EPHA3: variants seen among roughly 807,000 people sequenced by gnomAD.
EPHA3 encodes the protein EPH receptor A3, also known as ephrin type-A receptor 3.
In EPHA3, 42 loss-of-function variants were observed where a neutral mutation model predicts 107.1. That is an observed-to-expected ratio of 0.39 (90% CI 0.31 to 0.51). The LOEUF (loss-of-function observed/expected upper bound fraction) is 0.51, where lower values mean the gene tolerates loss of function less well. Ranked by LOEUF, EPHA3 falls within the 20% of genes least tolerant of loss-of-function variation. The pLI, the probability that EPHA3 is intolerant of heterozygous loss-of-function variation, is 0.78. For synonymous variants in EPHA3, 461 were observed against 424.8 expected (o/e 1.09, Z -1.05); for missense variants, 1,183 against 1,211.2 (o/e 0.98, Z 0.35).
rs148149465 is a variant in EPHA3 at position 89,237,802 on chromosome 3, C to A, written c.814+27282C>A. 1.6e-3 allele frequency among the ~76,000 whole-genome samples: 250 copies of A among 151,858 alleles called. 10 individuals carry two copies. In the East Asian group the frequency reaches 0.047, roughly 29 times the overall value. Reference sequence around the variant, plus strand: ...GCAACAAAGCAAGATCCTTTCTCTACAAAAAATAAAACAAAATTTAAAAAA... The same window carrying A: ...GCAACAAAGCAAGATCCTTTCTCTAAAAAAAATAAAACAAAATTTAAAAAA... On this transcript the variant is annotated intron_variant, in intron 3 of 16. Transcript: ENST00000336596.
chr3:89,295,877 A>G (rs1706340734), intron 3 of EPHA3, among the ~76,000 whole-genome samples: 1 of 152,168 alleles, frequency 6.6e-6, no homozygotes, highest in Non-Finnish European at 1.5e-5. Flanking sequence ...GGCATGACCC[A>G]CCACACCCGA....
intron 11 of EPHA3, 74 bp from the exon 12 acceptor site, chr3:89,429,032 A>G (rs1263753615): frequency 6.9e-6 from 7 of 1,008,250 alleles, no homozygotes; most frequent in Non-Finnish European, 1.0e-5. Flanking sequence ...AGGTAAATCC[A>G]ACTATATTAT....
chr3:89,398,593 A>G (rs1172450333), intron 6 of EPHA3, among the ~76,000 whole-genome samples: 34 of 151,704 alleles, frequency 2.2e-4, no homozygotes, highest in Non-Finnish European at 1.2e-4. Context: ...TGATAAAAAA[A>G]AGTTCTACTC....
intron 3 of EPHA3, among the ~76,000 whole-genome samples, chr3:89,232,625 CA>C (rs1704664273): frequency 6.6e-6 from 1 of 152,106 alleles, no homozygotes; most frequent in South Asian, 2.1e-4. Flanking sequence ...AAGTTTGTAA[CA>C]ATTCAATTTA....
intron 3 of EPHA3, among the ~76,000 whole-genome samples, chr3:89,282,439 G>C (rs1174463714): frequency 6.6e-6 from 1 of 151,986 alleles, no homozygotes; most frequent in Non-Finnish European, 1.5e-5. Flanking sequence ...AAAAAGCATA[G>C]GTCATCTGCT....
At chr3:89,220,768 G>A (rs1026637379) in intron 3 of EPHA3, among the ~76,000 whole-genome samples, 1 of 152,140 alleles carries the variant, frequency 6.6e-6, no homozygotes, top group African/African-American at 2.4e-5. Context: ...TTCTATTCCA[G>A]GACATATTGT....
At position 89,439,078 on chromosome 3, in the gene EPHA3, G is replaced by A. The variant is rs552064087; in HGVS notation, c.2346+7719G>A. Reference sequence around the variant, plus strand: ...TCTGTAGAGAATGCAATTTTATATAGGATCGTCAGAGAAATTGGTAAAATG... The same window carrying A: ...TCTGTAGAGAATGCAATTTTATATAAGATCGTCAGAGAAATTGGTAAAATG... On this transcript the variant is annotated intron_variant, in intron 13 of 16. Coordinates refer to ENST00000336596, the MANE Select transcript of EPHA3 (RefSeq NM_005233.6). Among the ~76,000 whole-genome samples, 4 of 152,284 alleles carry A rather than the reference G, an allele frequency of 2.6e-5. No homozygotes were observed. The South Asian group carries it at 8.3e-4, about 32-fold the overall frequency.
intron 2 of EPHA3, among the ~76,000 whole-genome samples, chr3:89,176,551 T>TA (rs1199512738): frequency 6.6e-6 from 1 of 151,636 alleles, no homozygotes; most frequent in African/African-American, 2.4e-5. Context: ...TGTTTATTCT[T>TA]ACACCAGTTA....
chr3:89,234,676 T>G (rs1248354221), intron 3 of EPHA3, among the ~76,000 whole-genome samples: 10 of 149,130 alleles, frequency 6.7e-5, no homozygotes, highest in African/African-American at 2.6e-4. Context: ...CTTTCTTCCT[T>G]TCCTCCTTTC....
chr3:89,197,387 CT>C (rs1705860497), intron 2 of EPHA3, among the ~76,000 whole-genome samples: 1 of 149,482 alleles, frequency 6.7e-6, no homozygotes, highest in African/African-American at 2.5e-5. Context: ...GCTTAACATA[CT>C]GCCTGGTATG....
In EPHA3 at chr3:89,138,832, T is replaced by G. The variant is rs555212928; in HGVS notation, c.153+11559T>G. 1.3e-3 allele frequency among the ~76,000 whole-genome samples: 205 copies of G among 152,000 alleles called. 2 individuals carry two copies. The highest frequency in any genetic ancestry group is 4.7e-3 in the African/African-American group (194 of 41,514). ...CAAATCTTCATTATTTTCTTTTCTT[T>G]TATGTTAATCAGATTATAGTATTTA... On this transcript the variant is annotated intron_variant, in intron 2 of 16. Coordinates refer to ENST00000336596, the MANE Select transcript of EPHA3 (RefSeq NM_005233.6).
chr3:89,138,702 C>G (rs1704366323), intron 2 of EPHA3, among the ~76,000 whole-genome samples: 1 of 151,694 alleles, frequency 6.6e-6, no homozygotes, highest in Non-Finnish European at 1.5e-5. Context: ...GTTAATGGGA[C>G]CTAGAATGAG....
At chr3:89,160,253 TATAATAA>T (rs1179357068) in intron 2 of EPHA3, among the ~76,000 whole-genome samples, 2 of 151,942 alleles carry the variant, frequency 1.3e-5, no homozygotes, top group Non-Finnish European at 2.9e-5. Context: ...ACAACAAACA[TATAATAA>T]ATACATAAAC....
intron 3 of EPHA3, among the ~76,000 whole-genome samples, chr3:89,338,519 A>G (rs572008097): frequency 1.4e-4 from 21 of 152,340 alleles, no homozygotes; most frequent in African/African-American, 5.0e-4. Context: ...CAAAGAGCCC[A>G]AACAAGAATA....
intron 2 of EPHA3, among the ~76,000 whole-genome samples, chr3:89,208,440 A>AAGAG (rs1706170339): frequency 8.1e-6 from 1 of 122,890 alleles, no homozygotes; most frequent in African/African-American, 3.8e-5. Flanking sequence ...GAAAGAAAGA[A>AAGAG]AGAAAGAAAG....
At chr3:89,160,548 T>TGTGTGTG (rs1553707124) in intron 2 of EPHA3, among the ~76,000 whole-genome samples, 2,114 of 120,490 alleles carry the variant, frequency 0.018, 80 homozygotes, top group African/African-American at 0.069. Flanking sequence ...ATATTAGATT[T>TGTGTGTG]TGTGTGTGTG....
chr3:89,391,413 T>TTTTC (rs1289668893), intron 5 of EPHA3, among the ~76,000 whole-genome samples: 3 of 129,788 alleles, frequency 2.3e-5, no homozygotes, highest in African/African-American at 9.6e-5. Flanking sequence ...TTTTCTTTTC[T>TTTTC]TTCTTTTCTT....
At chr3:89,454,740 C>T (rs73139281) in intron 15 of EPHA3, among the ~76,000 whole-genome samples, 34,238 of 152,044 alleles carry the variant, frequency 0.23, 4,156 homozygotes, top group Non-Finnish European at 0.25. Flanking sequence ...AACTGCAATA[C>T]CAGCTATTCA....
chr3:89,249,546 C>T (rs1193851674), intron 3 of EPHA3, among the ~76,000 whole-genome samples: 1 of 152,088 alleles, frequency 6.6e-6, no homozygotes, highest in South Asian at 2.1e-4. Flanking sequence ...CTGCAACCTC[C>T]ACCTCCTGGG....
Sources: allele counts gnomAD v4.1 joint callset (sites outside exome capture counted in the v4.1 genomes callset), GRCh38; gene constraint gnomAD v4.1.1; transcripts MANE v1.5; gene names NCBI Gene and HGNC (gene_info 2026-07-23, HGNC 2026-07-21).